Variants in ACBD6 observed in about 807,000 individuals in gnomAD.
The protein encoded by ACBD6 is acyl-CoA binding domain containing 6, also known as acyl-CoA-binding domain-containing protein 6.
A neutral mutation model predicts 37.2 loss-of-function variants in ACBD6; 28 were observed. The observed-to-expected ratio is 0.75, with a 90% CI of 0.56 to 1.03. The LOEUF is 1.03. Among genes scored for constraint, ACBD6 ranks in the 50% least tolerant of loss-of-function variants. The probability of loss-of-function intolerance (pLI) is 0.00; values close to 1 mark genes in which losing one functional copy is unlikely to be tolerated. For missense variants in ACBD6, 340 were observed against 337.4 expected, an observed-to-expected ratio of 1.01 and a Z score of -0.06; for synonymous variants, 113 against 126.8, an observed-to-expected ratio of 0.89 and a Z score of 0.73.
intron 3 of ACBD6, among the ~76,000 whole-genome samples, chr1:180,477,303 T>C (rs566758857): frequency 6.6e-6 from 1 of 152,238 alleles, no homozygotes; most frequent in South Asian, 2.1e-4. Flanking sequence ...AGGACTGCTA[T>C]ACATTTTTAA....
rs546150577 is a variant in ACBD6, at chr1:180,336,858, T to C, written c.664-22136A>G. Among the ~76,000 whole-genome samples the C allele has an allele frequency of 4.1e-5, 6 of 147,628 alleles. No homozygotes were observed. The South Asian group carries it at 6.4e-4, about 16-fold the overall frequency. ...AATCCCACAGAAATACAAACTACCA[T>C]CAGAGAATACTATAAACACCTCTAT... On this transcript the variant is annotated intron_variant, in intron 6 of 7. Transcript: ENST00000367595.
chr1:180,397,997 G>A (rs1654326302), intron 5 of ACBD6, among the ~76,000 whole-genome samples: 1 of 152,014 alleles, frequency 6.6e-6, no homozygotes, highest in South Asian at 2.1e-4. Context: ...AGGTTGCAGT[G>A]GGCCGAGATT....
intron 7 of ACBD6, among the ~76,000 whole-genome samples, chr1:180,306,442 C>CT (rs535546076): frequency 1.1e-3 from 174 of 152,262 alleles, no homozygotes; most frequent in African/African-American, 4.1e-3. Flanking sequence ...CACGCGTGCC[C>CT]TGTTAACCCC....
chr1:180,484,133 G>A (rs970508917), intron 3 of ACBD6, among the ~76,000 whole-genome samples: 1 of 152,002 alleles, frequency 6.6e-6, no homozygotes, highest in African/African-American at 2.4e-5. Context: ...TTCAGAACAG[G>A]GTTACCTCAT....
chr1:180,372,105 A>G (rs1487067726), intron 6 of ACBD6, among the ~76,000 whole-genome samples: 1 of 152,186 alleles, frequency 6.6e-6, no homozygotes, highest in Non-Finnish European at 1.5e-5. Context: ...TACCACATAA[A>G]AGAACAACCA....
At chr1:180,409,672 T>C (rs1262363245) in intron 5 of ACBD6, among the ~76,000 whole-genome samples, 2 of 152,208 alleles carry the variant, frequency 1.3e-5, no homozygotes, top group African/African-American at 4.8e-5. Flanking sequence ...AACAGATACT[T>C]TGTGTGTTCT....
At chr1:180,316,820 T>A (rs1236069411) in intron 6 of ACBD6, among the ~76,000 whole-genome samples, 2 of 152,214 alleles carry the variant, frequency 1.3e-5, no homozygotes, top group African/African-American at 4.8e-5. Flanking sequence ...ATAAATCTTA[T>A]GTTGTAGTGG....
In ACBD6 at chr1:180,322,976, T is replaced by C. The variant is rs192187606; in HGVS notation, c.664-8254A>G. Reference sequence around the variant, plus strand: ...GCACCATTAGGTTATTGGAAGTTTTTCTTCTTTTTTGATGCAGGCGCTATA... The same window carrying C: ...GCACCATTAGGTTATTGGAAGTTTTCCTTCTTTTTTGATGCAGGCGCTATA... On this transcript the variant is annotated intron_variant, in intron 6 of 7. Transcript: ENST00000367595. Among the ~76,000 whole-genome samples, 3 of 152,036 alleles carry C rather than the reference T, an allele frequency of 2.0e-5. No homozygotes were observed. In the East Asian group the frequency reaches 5.8e-4, roughly 29 times the overall value.
chr1:180,296,133 C>A (rs1419812861), intron 7 of ACBD6, among the ~76,000 whole-genome samples: 1 of 152,166 alleles, frequency 6.6e-6, no homozygotes, highest in African/African-American at 2.4e-5. Flanking sequence ...TAGAAAAAGT[C>A]TGAGTGGTCT....
chr1:180,305,633 A>T (rs1257669329), intron 7 of ACBD6, among the ~76,000 whole-genome samples: 1 of 152,184 alleles, frequency 6.6e-6, no homozygotes, highest in Non-Finnish European at 1.5e-5. Context: ...GAGAAATAGA[A>T]ACACTTTTAC....
intron 10 of ACBD6, chr1:180,274,139 C>CAG: frequency 6.2e-7 from 1 of 1,612,430 alleles, no homozygotes; most frequent in Non-Finnish European, 8.5e-7. Flanking sequence ...AGGGGACCAT[C>CAG]AGAGTCCTGG....
intron 3 of ACBD6, among the ~76,000 whole-genome samples, chr1:180,487,435 G>A (rs577752217): frequency 4.6e-4 from 70 of 152,090 alleles, no homozygotes; most frequent in Non-Finnish European, 9.1e-4. Context: ...ACTGCATCCC[G>A]CCTAGAACAC....
intron 5 of ACBD6, among the ~76,000 whole-genome samples, chr1:180,411,158 G>A (rs1012055059): frequency 1.3e-5 from 2 of 152,210 alleles, no homozygotes; most frequent in Non-Finnish European, 1.5e-5. Context: ...TTGAACAGAT[G>A]AGGAGTAGCT....
intron 3 of ACBD6, among the ~76,000 whole-genome samples, chr1:180,433,635 G>A (rs1005865396): frequency 4.8e-4 from 73 of 152,002 alleles, no homozygotes; most frequent in Non-Finnish European, 9.0e-4. Context: ...GAGAGAGCGA[G>A]AGTGAGAGAG....
In ACBD6 at chr1:180,502,491, A is replaced by C. The variant is rs1364967818; in HGVS notation, c.-225T>G. ...GACCCTCTGCCGCTCTGCCCAGTCG[A>C]CCCGGTCTCCTCCGGCTTCCCTCCG... On this transcript the variant is annotated 5_prime_UTR_variant, in exon 1 of 8. Coordinates refer to ENST00000367595, the MANE Select transcript of ACBD6 (RefSeq NM_032360.4). The C allele has an allele frequency of 5.2e-6, 3 of 582,088 alleles. No homozygotes were observed. Among genetic ancestry groups the C allele is most frequent in the Admixed American group, 2.8e-5 (1 of 35,170 alleles). 36.1% of individuals were successfully genotyped at this position (582,088 alleles called of 1,614,324 possible).
At chr1:180,299,056 C>A (rs1292876461) in intron 7 of ACBD6, among the ~76,000 whole-genome samples, 1 of 152,192 alleles carries the variant, frequency 6.6e-6, no homozygotes, top group Non-Finnish European at 1.5e-5. Flanking sequence ...TTGTACCCCA[C>A]AATGAGATGC....
intron 3 of ACBD6, among the ~76,000 whole-genome samples, chr1:180,459,783 C>T (rs965684738): frequency 4.6e-5 from 7 of 152,100 alleles, no homozygotes; most frequent in Admixed American, 3.3e-4. Flanking sequence ...GATTGTTACA[C>T]ATCCAGATAT....
chr1:180,470,155 C>T (rs1356287446), intron 3 of ACBD6, among the ~76,000 whole-genome samples: 2 of 152,074 alleles, frequency 1.3e-5, no homozygotes, highest in South Asian at 4.1e-4. Context: ...TTCCCTATAT[C>T]GTATTTCAAT....
intron 3 of ACBD6, among the ~76,000 whole-genome samples, chr1:180,452,514 G>T (rs1649752538): frequency 6.6e-6 from 1 of 151,580 alleles, no homozygotes; most frequent in Non-Finnish European, 1.5e-5. Context: ...ACCAACTAGA[G>T]AAGCAAGAGC....
Sources: allele counts gnomAD v4.1 joint callset (sites outside exome capture counted in the v4.1 genomes callset), GRCh38; gene constraint gnomAD v4.1.1; transcripts MANE v1.5; gene names NCBI Gene and HGNC (gene_info 2026-07-23, HGNC 2026-07-21).